The following COL12A1 variants were observed in gnomAD, a reference collection of about 807,000 sequenced individuals.
COL12A1 encodes the protein collagen alpha-1(XII) chain.
COL12A1 carries 114 observed loss-of-function variants against 349.7 expected under a neutral mutation model. The ratio of observed to expected loss-of-function variants is 0.33; its 90% CI spans 0.28 to 0.38. The LOEUF (loss-of-function observed/expected upper bound fraction) is 0.38, where lower values mean the gene tolerates loss of function less well. Among genes scored for constraint, COL12A1 ranks in the 10% least tolerant of loss-of-function variants. COL12A1 has a pLI of 1.00. For synonymous variants in COL12A1, 1,369 were observed against 1,329.0 expected (o/e 1.03, Z -0.66); for missense variants, 3,284 against 3,756.9 (o/e 0.87, Z 3.29).
intron 2 of COL12A1, among the ~76,000 whole-genome samples, chr6:75,197,471 C>A (rs1770292148): frequency 6.6e-6 from 1 of 152,036 alleles, no homozygotes; most frequent in Admixed American, 6.6e-5. Flanking sequence ...CTCCACCATG[C>A]CTGGCTAATT....
Position 75,175,170 on chromosome 6 carries a change from T to A in COL12A1, c.2578A>T (p.Thr860Ser). ...GTATTGGTTGTATCTCCCCTCACAG[T>A]GACCTCTTGAGTTTCACCCCCTGCC... ...PVAGGETQEV[T>S]VRGDTTNTVL... Residue 860 changes from threonine (T) to serine (S), a missense_variant, in exon 13 of 66, where the codon ACT becomes TCT. Transcript: ENST00000322507. 6.2e-7 allele frequency: 1 copy of A among 1,614,196 alleles called. No individual in the cohort carries two copies. The highest frequency in any genetic ancestry group is 8.5e-7 in the Non-Finnish European group (1 of 1,180,030).
At chr6:75,191,088 G>C (rs2149477534) in intron 5 of COL12A1, among the ~76,000 whole-genome samples, 1 of 151,900 alleles carries the variant, frequency 6.6e-6, no homozygotes, top group Non-Finnish European at 1.5e-5. Flanking sequence ...AAGACAAAAG[G>C]AGGCTAATAA....
rs1352933759 is a variant in COL12A1 at position 75,194,962 on chromosome 6, G to A, written c.74-15C>T. 1 of 1,443,112 alleles carries A rather than the reference G, an allele frequency of 6.9e-7. No individual in the cohort carries two copies. 89.4% of individuals were successfully genotyped at this position (1,443,112 alleles called of 1,614,324 possible). ...AGGTGGGTCAACTGCAAAAGAGAGA[G>A]TTTATATTATTAAACTTTTCAATGT... On this transcript the variant is annotated splice_polypyrimidine_tract_variant and intron_variant, in intron 2 of 65. Transcript: ENST00000322507.
rs142476685 is a variant in COL12A1, at chr6:75,157,973, A to G, written c.2984-1450T>C. 1.3e-3 allele frequency among the ~76,000 whole-genome samples: 195 copies of G among 152,308 alleles called. 8 individuals carry two copies. In the East Asian group the frequency reaches 0.035, roughly 27 times the overall value. On this transcript the variant is annotated intron_variant, in intron 14 of 65. Transcript: ENST00000322507. Reference sequence around the variant, plus strand: ...GAAACAGTTTAAAAGCAAATGTCAGATCAAACTATTTCCAAGTAACTTAAC... The same window carrying G: ...GAAACAGTTTAAAAGCAAATGTCAGGTCAAACTATTTCCAAGTAACTTAAC...
At chr6:75,190,670 A>T (rs2149476952) in intron 5 of COL12A1, among the ~76,000 whole-genome samples, 1 of 151,978 alleles carries the variant, frequency 6.6e-6, no homozygotes, top group African/African-American at 2.4e-5. Context: ...TACCAAGTGA[A>T]TTTTCTGATG....
Position 75,111,206 on chromosome 6 carries a change from A to G in COL12A1, c.7950+1998T>C, listed in dbSNP as rs372872591. 2.7e-3 allele frequency among the ~76,000 whole-genome samples: 404 copies of G among 152,068 alleles called. 3 individuals are homozygous for G. Among genetic ancestry groups the G allele is most frequent in the African/African-American group, 9.2e-3 (381 of 41,562 alleles). On this transcript the variant is annotated intron_variant, in intron 51 of 65. Coordinates refer to ENST00000322507, the MANE Select transcript of COL12A1 (RefSeq NM_004370.6). ...AACGGGTTTAAGGAATGGAGGAGAA[A>G]AAAGAGCACAGTGGGAAAAAAGGAG...
chr6:75,153,876 C>G lies in COL12A1; in HGVS notation c.3565+540G>C, dbSNP rs1187305253. ...ATAGTTGCCCACCCATTTATGTAAC[C>G]TAACACTGCTTACCCAGCCCAAATA... On this transcript the variant is annotated intron_variant, in intron 17 of 65. Transcript: ENST00000322507. Among the ~76,000 whole-genome samples the G allele has an allele frequency of 2.0e-5, 3 of 152,044 alleles. No individual in the cohort carries two copies. The East Asian group carries it at 5.8e-4, about 29-fold the overall frequency.
intron 2 of COL12A1, among the ~76,000 whole-genome samples, chr6:75,200,630 C>G (rs1770476330): frequency 6.6e-6 from 1 of 152,032 alleles, no homozygotes; most frequent in Admixed American, 6.6e-5. Context: ...AATACACACC[C>G]AATTGTCAAA....
intron 21 of COL12A1, among the ~76,000 whole-genome samples, 177 bp downstream of exon 21, chr6:75,150,964 A>G (rs1378683510): frequency 6.6e-6 from 1 of 152,198 alleles, no homozygotes; most frequent in Non-Finnish European, 1.5e-5. Flanking sequence ...ACAACCGAAG[A>G]TCTTTTTAAT....
intron 14 of COL12A1, among the ~76,000 whole-genome samples, chr6:75,161,331 CAT>C (rs1562251497): frequency 6.6e-6 from 1 of 152,014 alleles, no homozygotes; most frequent in Non-Finnish European, 1.5e-5. Context: ...ATGTAAATGT[CAT>C]ATAAATAATT....
chr6:75,200,962 G>A (rs899369776), intron 2 of COL12A1, among the ~76,000 whole-genome samples: 4 of 151,532 alleles, frequency 2.6e-5, no homozygotes, highest in Non-Finnish European at 4.4e-5. Flanking sequence ...AAAAAGAGCT[G>A]TACCATATGG....
At chr6:75,131,018 A>T (rs532271013) in intron 35 of COL12A1, 37 bp from the exon 36 acceptor site, 2 of 1,613,672 alleles carry the variant, frequency 1.2e-6, no homozygotes, top group East Asian at 2.2e-5. Context: ...GCCTGACAAC[A>T]ACTCAAATGC....
intron 3 of COL12A1, among the ~76,000 whole-genome samples, chr6:75,193,905 C>T (rs368628277): frequency 3.8e-4 from 58 of 152,290 alleles, no homozygotes; most frequent in African/African-American, 1.3e-3. Context: ...ATGACATGAA[C>T]TCATCCTTTT....
chr6:75,121,183 A>G (rs1410079023), intron 44 of COL12A1, 119 bp downstream of exon 44: 5 of 888,704 alleles, frequency 5.6e-6, no homozygotes, highest in African/African-American at 3.4e-5. Flanking sequence ...TAAAAGAAAT[A>G]GCAAATAGGA....
intron 30 of COL12A1, 143 bp from the exon 31 acceptor site, chr6:75,137,722 A>G: frequency 1.1e-6 from 1 of 897,710 alleles, no homozygotes; most frequent in Non-Finnish European, 1.7e-6. Flanking sequence ...ATGGTTATTG[A>G]TTCTTAAATG....
rs375540397 is a variant in COL12A1, at chr6:75,165,658, A to G, written c.2832T>C (p.Asp944=). The G allele has an allele frequency of 3.7e-6, 6 of 1,614,020 alleles. No homozygotes were observed. The highest frequency in any genetic ancestry group is 5.1e-6 in the Non-Finnish European group (6 of 1,179,932). Reference sequence around the variant, plus strand: ...GATTTTTCTCTCCAGTGTCAACATCATCATAAAGTGATTTCCATGAGACCC... The same window carrying G: ...GATTTTTCTCTCCAGTGTCAACATCGTCATAAAGTGATTTCCATGAGACCC... ...GYRVSWKSLY[D]DVDTGEKNLP... is the part of the protein sequence containing the mutation. The change falls in exon 14 of 66, where the codon GAT becomes GAC. Residue 944 remains aspartate, a synonymous_variant. Transcript: ENST00000322507.
intron 31 of COL12A1, 53 bp from the exon 32 acceptor site, chr6:75,134,908 A>T (rs1766509594): frequency 1.9e-6 from 3 of 1,555,270 alleles, no homozygotes; most frequent in Admixed American, 1.7e-5. Context: ...CCATCTCACT[A>T]ATCTGTTAGA....
In COL12A1 at chr6:75,090,073, C is replaced by A. The variant is rs1266590398; in HGVS notation, c.8941+37G>T. ...TCCCAACTCCTACATTTGCAAATTCCTTCCTTTATCCCAATACAGAAGCCA... is the reference window on the plus strand; with the variant it reads ...TCCCAACTCCTACATTTGCAAATTCATTCCTTTATCCCAATACAGAAGCCA... On this transcript the variant is annotated intron_variant, in intron 63 of 65. Coordinates refer to ENST00000322507, the MANE Select transcript of COL12A1 (RefSeq NM_004370.6). This position sits in a 1 kb window ranked among gnomAD's most constrained non-coding sequence, Gnocchi z 4.1. The A allele has an allele frequency of 6.2e-7, 1 of 1,605,718 alleles. No homozygotes were observed. Among genetic ancestry groups the A allele is most frequent in the Non-Finnish European group, 8.5e-7 (1 of 1,175,524 alleles).
intron 63 of COL12A1, among the ~76,000 whole-genome samples, chr6:75,089,499 G>A (rs755972763): frequency 2.0e-5 from 3 of 152,096 alleles, no homozygotes; most frequent in Non-Finnish European, 4.4e-5. Context: ...CATATTAAAG[G>A]TATTTTATCT....
Sources: allele counts gnomAD v4.1 joint callset (sites outside exome capture counted in the v4.1 genomes callset), GRCh38; gene constraint gnomAD v4.1.1; non-coding constraint Gnocchi (gnomAD v3.1); transcripts MANE v1.5; gene names NCBI Gene and HGNC (gene_info 2026-07-23, HGNC 2026-07-21).